RELCH: variants seen among roughly 807,000 people sequenced by gnomAD.
RELCH encodes the protein RAB11 binding and LisH domain, coiled-coil and HEAT repeat containing.
RELCH carries 41 observed loss-of-function variants against 150.3 expected under a neutral mutation model. That is an observed-to-expected ratio of 0.27 (90% CI 0.21 to 0.35). The LOEUF (loss-of-function observed/expected upper bound fraction) is 0.35. Among genes scored for constraint, RELCH ranks in the 10% least tolerant of loss-of-function variants. The pLI is 1.00. For missense variants in RELCH, 1,092 were observed against 1,467.8 expected (o/e 0.74, Z 4.18); for synonymous variants, 478 against 531.8 (o/e 0.90, Z 1.39).
intron 14 of RELCH, 40 bp from the exon 15 acceptor site, chr18:62,258,472 T>G: frequency 6.6e-7 from 1 of 1,526,646 alleles, no homozygotes; most frequent in Non-Finnish European, 8.9e-7. Flanking sequence ...TTTAAGTTTA[T>G]CCCTTTAAAA....
intron 28 of RELCH, among the ~76,000 whole-genome samples, chr18:62,304,721 T>G (rs1334571260): frequency 6.6e-6 from 1 of 152,200 alleles, no homozygotes; most frequent in Non-Finnish European, 1.5e-5. Context: ...TTCTGTTCAG[T>G]ACTATGATAA....
At chr18:62,255,701 T>C (rs2042963726) in intron 13 of RELCH, among the ~76,000 whole-genome samples, 1 of 152,060 alleles carries the variant, frequency 6.6e-6, no homozygotes, top group Non-Finnish European at 1.5e-5. Context: ...TTAAACTATA[T>C]CAGCAGTTCT....
chr18:62,221,621 A>G, intron 5 of RELCH, 124 bp downstream of exon 5: 2 of 470,652 alleles, frequency 4.2e-6, no homozygotes, highest in Non-Finnish European at 7.4e-6. Flanking sequence ...AAGGCTAGTT[A>G]CTAGAACAGC....
At chr18:62,275,519 T>TC (rs767175461) in intron 22 of RELCH, 46 bp downstream of exon 22, 4 of 1,286,958 alleles carry the variant, frequency 3.1e-6, no homozygotes, top group Non-Finnish European at 4.5e-6. Context: ...AATGATTTTT[T>TC]TTTTTTTGCG....
intron 28 of RELCH, chr18:62,300,829 A>C (rs1306361160): frequency 1.3e-5 from 2 of 152,210 alleles, no homozygotes; most frequent in Non-Finnish European, 2.9e-5. Flanking sequence ...GATCTGTGTC[A>C]GAAAAGTTTG....
chr18:62,286,213 G>A (rs546596265), intron 25 of RELCH, among the ~76,000 whole-genome samples: 4 of 152,296 alleles, frequency 2.6e-5, no homozygotes, highest in Admixed American at 1.3e-4. Flanking sequence ...ATGAACTAGT[G>A]AGTCTTTGAG....
rs1316145727 is a variant in RELCH, at chr18:62,305,959, T to A, written c.*425T>A. 1.3e-5 allele frequency: 2 copies of A among 152,680 alleles called. No individual in the cohort carries two copies. The highest frequency in any genetic ancestry group is 4.8e-5 in the African/African-American group (2 of 41,444). 9.5% of individuals were successfully genotyped at this position (152,680 alleles called of 1,614,324 possible). A position where few individuals can be genotyped will look rare whatever the true frequency, so the allele number is the denominator to read the frequency against. On this transcript the variant is annotated 3_prime_UTR_variant, in exon 29 of 29. Coordinates refer to ENST00000644646, the MANE Select transcript of RELCH (RefSeq NM_001346231.2). This position sits in a 1 kb window ranked among gnomAD's most constrained non-coding sequence, Gnocchi z 4.0. ...AGTGGAGATTACTTAAGTATTTAAA[T>A]TATGAAAGAATAATGCAGACTTTTT...
At chr18:62,246,920 G>A (rs573882341) in intron 11 of RELCH, 89 of 152,300 alleles carry the variant, frequency 5.8e-4, no homozygotes, top group African/African-American at 2.0e-3. Flanking sequence ...GAAGTACACA[G>A]TAAGGGTTAG....
At chr18:62,196,936 G>A (rs1240193447) in intron 1 of RELCH, among the ~76,000 whole-genome samples, 1 of 152,178 alleles carries the variant, frequency 6.6e-6, no homozygotes, top group Non-Finnish European at 1.5e-5. Flanking sequence ...AATCTTTGTT[G>A]ATTGTGAAAA....
chr18:62,194,558 A>G (rs1379511982), intron 1 of RELCH, among the ~76,000 whole-genome samples: 1 of 152,248 alleles, frequency 6.6e-6, no homozygotes, highest in African/African-American at 2.4e-5. Flanking sequence ...ATACTTGTAT[A>G]AAACTGTGCT....
At chr18:62,241,284 A>G (rs887823139) in intron 10 of RELCH, among the ~76,000 whole-genome samples, 8 of 152,122 alleles carry the variant, frequency 5.3e-5, no homozygotes, top group Admixed American at 2.6e-4. Context: ...TCAGAGCAAC[A>G]CCAGCCCCAG....
chr18:62,299,310 TTAAAA>T (rs1331394066), intron 28 of RELCH, among the ~76,000 whole-genome samples: 2 of 152,126 alleles, frequency 1.3e-5, no homozygotes, highest in Non-Finnish European at 2.9e-5. Context: ...TTCAGTAAAA[TTAAAA>T]TATAAGCATA....
intron 13 of RELCH, among the ~76,000 whole-genome samples, chr18:62,257,486 C>T (rs2043045895): frequency 6.6e-6 from 1 of 151,914 alleles, no homozygotes; most frequent in Admixed American, 6.6e-5. Flanking sequence ...TTTGTAGTTC[C>T]TCCTGTTAAA....
chr18:62,192,769 C>G (rs2038743824), intron 1 of RELCH, among the ~76,000 whole-genome samples: 1 of 152,158 alleles, frequency 6.6e-6, no homozygotes, highest in South Asian at 2.1e-4. Flanking sequence ...CAGTACCATG[C>G]TGTTTTGGTT....
chr18:62,219,325 CTT>C lies in RELCH; in HGVS notation c.617-1697_617-1696del, dbSNP rs202196452. 4.0e-3 allele frequency among the ~76,000 whole-genome samples: 446 copies of C among 112,858 alleles called. 3 individuals are homozygous for C. The highest frequency in any genetic ancestry group is 0.013 in the African/African-American group (400 of 29,728). 74.0% of individuals were successfully genotyped at this position (112,858 alleles called of 152,430 possible). A position where few individuals can be genotyped will look rare whatever the true frequency, so the allele number is the denominator to read the frequency against. On this transcript the variant is annotated intron_variant, in intron 2 of 28. Coordinates refer to ENST00000644646, the MANE Select transcript of RELCH (RefSeq NM_001346231.2). ...TTAACCAGTTTTTTTTTCTTTTTTTCTTTTTTTTTTTTTTTTCATATTTCTAT... is the reference window on the plus strand; with the variant it reads ...TTAACCAGTTTTTTTTTCTTTTTTTCTTTTTTTTTTTTTTCATATTTCTAT...
At chr18:62,194,905 A>G (rs892213474) in intron 1 of RELCH, among the ~76,000 whole-genome samples, 4 of 152,174 alleles carry the variant, frequency 2.6e-5, no homozygotes, top group Non-Finnish European at 5.9e-5. Flanking sequence ...TTTAAGAACA[A>G]TGCAATCCTA....
rs1568427489 is a variant in RELCH at position 62,280,702 on chromosome 18, A to T, written c.3107A>T (p.Gln1036Leu). The change falls in exon 24 of 29, where the codon CAA becomes CTA. Residue 1036 changes from glutamine to leucine, a missense_variant. Gln to Leu is a moderately radical substitution (Grantham distance 113). Around this residue, in one of 4 missense-constraint regions of RELCH, gnomAD observed 707 missense variants for 1,025.4 expected, o/e 0.69. Coordinates refer to ENST00000644646, the MANE Select transcript of RELCH (RefSeq NM_001346231.2). ...GGCACTATTATGGAAACAGTAATTC[A>T]AAGAGAGGTAGGAATAATTGAAATT... is the stretch of plus-strand genomic sequence containing the variant. Reference protein sequence around the residue: ...AFGTIMETVIQRELLERVKMQ... With the variant: ...AFGTIMETVILRELLERVKMQ... 6.3e-7 allele frequency: 1 copy of T among 1,596,966 alleles called. No homozygotes were observed. The highest frequency in any genetic ancestry group is 1.7e-5 in the Admixed American group (1 of 59,946).
intron 24 of RELCH, 106 bp from the exon 25 acceptor site, chr18:62,282,200 C>T: frequency 1.1e-6 from 1 of 892,550 alleles, no homozygotes; most frequent in South Asian, 1.6e-5. Flanking sequence ...CTATAGGTTG[C>T]TTTAATCCAC....
chr18:62,269,063 A>G (rs2043748611), intron 20 of RELCH, 115 bp downstream of exon 20: 1 of 452,500 alleles, frequency 2.2e-6, no homozygotes, highest in South Asian at 4.6e-5. Flanking sequence ...CAATTTACTT[A>G]TTTTATTCAA....
Sources: allele counts gnomAD v4.1 joint callset (sites outside exome capture counted in the v4.1 genomes callset), GRCh38; gene constraint gnomAD v4.1.1; regional missense constraint gnomAD v4.1.1; non-coding constraint Gnocchi (gnomAD v3.1); transcripts MANE v1.5; gene names NCBI Gene and HGNC (gene_info 2026-07-23, HGNC 2026-07-21).